CDH12: variants seen among roughly 807,000 people sequenced by gnomAD.
CDH12 encodes the protein cadherin 12, also known as cadherin-12.
A neutral mutation model predicts 74.1 loss-of-function variants in CDH12; 41 were observed. The ratio of observed to expected loss-of-function variants is 0.55; its 90% confidence interval spans 0.43 to 0.72. CDH12 has a LOEUF of 0.72. CDH12 is among the 30% of genes least tolerant of loss of function. The pLI is 0.00. For missense variants in CDH12, 945 were observed against 977.2 expected (o/e 0.97, Z 0.44); for synonymous variants, 399 against 355.0 (o/e 1.12, Z -1.39).
chr5:22,074,621 A>G (rs1264037870), intron 5 of CDH12, among the ~76,000 whole-genome samples: 4 of 151,994 alleles, frequency 2.6e-5, no homozygotes, highest in Non-Finnish European at 5.9e-5. Context: ...TTACAAGAAA[A>G]CAACAACCCC....
chr5:22,467,485 C>T (rs1745784471), intron 2 of CDH12, among the ~76,000 whole-genome samples: 1 of 152,142 alleles, frequency 6.6e-6, no homozygotes, highest in South Asian at 2.1e-4. Flanking sequence ...GCATTACATT[C>T]ATTTTCAGTC....
intron 3 of CDH12, among the ~76,000 whole-genome samples, chr5:22,221,348 A>G (rs1388198977): frequency 3.9e-5 from 6 of 151,902 alleles, no homozygotes; most frequent in East Asian, 1.9e-4. Context: ...CACTTTGTCC[A>G]CTGACCTTCC....
chr5:22,199,166 C>A (rs937914341), intron 4 of CDH12, among the ~76,000 whole-genome samples: 7 of 152,126 alleles, frequency 4.6e-5, no homozygotes, highest in Non-Finnish European at 1.0e-4. Context: ...CTTGGGGAAG[C>A]AACACATTTT....
chr5:22,716,774 T>C (rs1743601202), intron 1 of CDH12, among the ~76,000 whole-genome samples: 1 of 152,008 alleles, frequency 6.6e-6, no homozygotes, highest in Non-Finnish European at 1.5e-5. Context: ...CCTGACCCTG[T>C]GTAGGCCTAG....
chr5:21,817,277 T>A, intron 8 of CDH12, 145 bp from the exon 9 acceptor site: 2 of 553,406 alleles, frequency 3.6e-6, no homozygotes, highest in Non-Finnish European at 6.3e-6. Context: ...TGCTGTCAAG[T>A]TAAGGATTAT....
intron 1 of CDH12, among the ~76,000 whole-genome samples, chr5:22,729,425 G>A (rs928656563): frequency 6.6e-6 from 1 of 151,830 alleles, no homozygotes; most frequent in Non-Finnish European, 1.5e-5. Context: ...ACCTGGGTAA[G>A]CCAGGATGAT....
intron 4 of CDH12, among the ~76,000 whole-genome samples, chr5:22,088,471 A>G (rs1167597853): frequency 6.6e-6 from 1 of 152,084 alleles, no homozygotes; most frequent in Non-Finnish European, 1.5e-5. Flanking sequence ...AAATGAGAAG[A>G]CTAAGGACTA....
chr5:21,979,441 A>C (rs978455096), intron 5 of CDH12, among the ~76,000 whole-genome samples: 1 of 152,194 alleles, frequency 6.6e-6, no homozygotes, highest in Non-Finnish European at 1.5e-5. Context: ...GAAGGCTTAA[A>C]AAAGATACCC....
chr5:22,851,093 G>A (rs1050858969), intron 1 of CDH12, among the ~76,000 whole-genome samples: 5 of 151,982 alleles, frequency 3.3e-5, no homozygotes, highest in African/African-American at 1.2e-4. Flanking sequence ...CGTCACATGA[G>A]GCATTAAGAG....
chr5:22,532,127 A>G (rs1354536833), intron 1 of CDH12, among the ~76,000 whole-genome samples: 1 of 151,468 alleles, frequency 6.6e-6, no homozygotes, highest in Non-Finnish European at 1.5e-5. Flanking sequence ...GAGAGAAAAC[A>G]TTAAGCATGA....
chr5:22,617,397 A>T lies in CDH12; in HGVS notation c.-522-112033T>A, dbSNP rs190861398. On this transcript the variant is annotated intron_variant, in intron 1 of 14. Coordinates refer to ENST00000382254, the MANE Select transcript of CDH12 (RefSeq NM_004061.5). ...TCTATATAACAGCCTAAATGAATTA[A>T]GAAGGATAGGAAAGGGAGGGTAATA... Among the ~76,000 whole-genome samples the T allele has an allele frequency of 6.6e-5, 10 of 152,264 alleles. No homozygotes were observed. In the East Asian group the frequency reaches 1.7e-3, roughly 27 times the overall value.
At position 21,853,137 on chromosome 5, in the gene CDH12, TA is replaced by T. The variant is rs968613610; in HGVS notation, c.646+1533del. Among the ~76,000 whole-genome samples the T allele has an allele frequency of 4.0e-5, 6 of 151,284 alleles. No homozygotes were observed. In the East Asian group the frequency reaches 7.8e-4, roughly 20 times the overall value. On this transcript the variant is annotated intron_variant, in intron 7 of 14. Coordinates refer to ENST00000382254, the MANE Select transcript of CDH12 (RefSeq NM_004061.5). ...ATATATATAAGATTTTTTTCACAGCTAAAAAAAATCACAAAACTTCCTTTTA... is the reference window on the plus strand; with the variant it reads ...ATATATATAAGATTTTTTTCACAGCTAAAAAAATCACAAAACTTCCTTTTA...
Position 21,837,533 on chromosome 5 carries a change from T to C in CDH12, c.814+4628A>G, listed in dbSNP as rs75782960. On this transcript the variant is annotated intron_variant, in intron 8 of 14. Transcript: ENST00000382254. ...AACAAATATAGTTAGTTGTGGGAAA[T>C]TCTTTCTTATGTATGTATGGAATAG... Among the ~76,000 whole-genome samples the C allele has an allele frequency of 3.6e-4, 55 of 151,992 alleles. No homozygotes were observed. The East Asian group carries it at 7.0e-3, about 19-fold the overall frequency.
chr5:22,375,161 A>G (rs1281144427), intron 3 of CDH12, among the ~76,000 whole-genome samples: 1 of 152,082 alleles, frequency 6.6e-6, no homozygotes, highest in African/African-American at 2.4e-5. Context: ...TTTACGTCCA[A>G]CTGATTTTTG....
At chr5:22,579,358 C>T (rs569167243) in intron 1 of CDH12, among the ~76,000 whole-genome samples, 8 of 152,078 alleles carry the variant, frequency 5.3e-5, no homozygotes, top group Non-Finnish European at 8.8e-5. Context: ...GATTTTATTC[C>T]GATTTAATGA....
intron 6 of CDH12, among the ~76,000 whole-genome samples, chr5:21,864,345 C>A (rs1751214230): frequency 6.6e-6 from 1 of 152,088 alleles, no homozygotes; most frequent in Admixed American, 6.6e-5. Context: ...GAAAGATCCA[C>A]CCTTAGTGTG....
At position 22,509,772 on chromosome 5, in the gene CDH12, T is replaced by C. The variant is rs182624347; in HGVS notation, c.-522-4408A>G. 2.9e-4 allele frequency among the ~76,000 whole-genome samples: 44 copies of C among 152,232 alleles called. No individual in the cohort carries two copies. In the East Asian group the frequency reaches 3.1e-3, roughly 11 times the overall value. ...TGGGAAGCTGCACAAATACCAGCTG[T>C]TCAAGACTGGCCATAGATAGAAAGA... On this transcript the variant is annotated intron_variant, in intron 1 of 14. Coordinates refer to ENST00000382254, the MANE Select transcript of CDH12 (RefSeq NM_004061.5).
intron 5 of CDH12, among the ~76,000 whole-genome samples, chr5:22,073,433 T>C (rs1022319778): frequency 2.0e-5 from 3 of 152,178 alleles, no homozygotes; most frequent in African/African-American, 7.2e-5. Flanking sequence ...CATGTTGGTA[T>C]AAGCATAAAT....
rs754883923 is a variant in CDH12 at position 21,765,007 on chromosome 5, C to G, written c.1486G>C (p.Ala496Pro). The change falls in exon 12 of 15, where the codon GCC becomes CCC. Residue 496 changes from alanine to proline, a missense_variant. Coordinates refer to ENST00000382254, the MANE Select transcript of CDH12 (RefSeq NM_004061.5). ...CCTGGCTTGGCATTTTCACACACGG[C>G]TGTCTCATATGGCACAGATATTTCT... is the stretch of plus-strand genomic sequence containing the variant. ...PPEISVPYET[A>P]VCENAKPGQI... 3.1e-6 allele frequency: 5 copies of G among 1,613,658 alleles called. No individual in the cohort carries two copies. The South Asian group carries it at 5.5e-5, about 18-fold the overall frequency.
Sources: allele counts gnomAD v4.1 joint callset (sites outside exome capture counted in the v4.1 genomes callset), GRCh38; gene constraint gnomAD v4.1.1; transcripts MANE v1.5; gene names NCBI Gene and HGNC (gene_info 2026-07-23, HGNC 2026-07-21).